The following ARL10 variants were observed in gnomAD, a reference collection of about 807,000 sequenced individuals.
ARL10 encodes the protein ARF like GTPase 10.
Under a neutral mutation model 26.1 loss-of-function variants are expected in ARL10, and 23 were observed. The ratio of observed to expected loss-of-function variants is 0.88; its 90% CI spans 0.63 to 1.25. The LOEUF (loss-of-function observed/expected upper bound fraction) is 1.25. ARL10 is among the 50% of genes most tolerant of loss of function. The probability of loss-of-function intolerance (pLI) is 0.00; values close to 1 mark genes in which losing one functional copy is unlikely to be tolerated. For missense variants in ARL10, 300 were observed against 323.6 expected, an observed-to-expected ratio of 0.93 and a Z score of 0.56; for synonymous variants, 138 against 149.1, an observed-to-expected ratio of 0.93 and a Z score of 0.54.
chr5:176,382,958 G>A (rs1265502076), downstream of ARL10, among the ~76,000 whole-genome samples: 3 of 152,224 alleles, frequency 2.0e-5, no homozygotes, highest in Admixed American at 1.3e-4. Context: ...GCACTGCTGT[G>A]TGCTTCCGAG....
Position 176,377,221 on chromosome 5 carries a change from G to T in ARL10, c.*5326G>T, listed in dbSNP as rs1406989935. 6.6e-6 allele frequency: 1 copy of T among 152,158 alleles called. No homozygotes were observed. The highest frequency in any genetic ancestry group is 1.5e-5 in the Non-Finnish European group (1 of 68,020). 9.4% of individuals were successfully genotyped at this position (152,158 alleles called of 1,614,324 possible). On this transcript the variant is annotated 3_prime_UTR_variant, in exon 4 of 4. Transcript: ENST00000310389. The surrounding 1 kb of genome is among the most constrained non-coding windows in gnomAD (Gnocchi z 4.5). ...ATTCAAAGCCAATGGTGGTATCTTT[G>T]GCCAAGATAATCCAATCGATTCAGT...
chr5:176,409,978 G>A, the ARL10 span, among the ~76,000 whole-genome samples: 4 of 152,140 alleles, frequency 2.6e-5, no homozygotes, highest in Admixed American at 2.6e-4. Flanking sequence ...ATCTCATGCT[G>A]CTGTGGGCCA....
intron 1 of ARL10, among the ~76,000 whole-genome samples, chr5:176,400,300 G>A (rs1022318258): frequency 6.6e-6 from 1 of 152,208 alleles, no homozygotes; most frequent in Non-Finnish European, 1.5e-5. Context: ...GAGATATTTA[G>A]AAGAGTGCTT....
rs961657724 is a variant in ARL10 at position 176,372,939 on chromosome 5, G to T, written c.*1044G>T. On this transcript the variant is annotated 3_prime_UTR_variant, in exon 4 of 4. Coordinates refer to ENST00000310389, the MANE Select transcript of ARL10 (RefSeq NM_173664.6). ...ATGAATGACAATGAGATAACATACAGATGTCAGTGGAGACAAAGTTGTGGG... is the reference window on the plus strand; with the variant it reads ...ATGAATGACAATGAGATAACATACATATGTCAGTGGAGACAAAGTTGTGGG... 1.0e-5 allele frequency: 4 copies of T among 398,532 alleles called. No individual in the cohort carries two copies. The highest frequency in any genetic ancestry group is 2.1e-5 in the African/African-American group (1 of 48,634). The allele number at this position is 398,532 out of a possible 1,614,324, so 24.7% of individuals were successfully genotyped here. A position where few individuals can be genotyped will look rare whatever the true frequency, so the allele number is the denominator to read the frequency against.
At chr5:176,401,838 G>A (rs924219509) in exon 2 of ARL10, 12 of 451,172 alleles carry the variant, frequency 2.7e-5, no homozygotes, top group East Asian at 7.0e-5. Flanking sequence ...CCCATCCCCC[G>A]TGCAAGTCAT....
intron 3 of ARL10, among the ~76,000 whole-genome samples, chr5:176,370,864 A>C (rs1255147271): frequency 1.3e-5 from 2 of 152,158 alleles, no homozygotes; most frequent in Non-Finnish European, 2.9e-5. Context: ...CTTGTCTGGA[A>C]GTGATCCTAC....
chr5:176,388,200 A>C, intron 1 of ARL10: 6 of 1,477,044 alleles, frequency 4.1e-6, no homozygotes, highest in Non-Finnish European at 5.7e-6. Context: ...GGAAGAGTAA[A>C]GAAGACAAGG....
downstream of ARL10, chr5:176,385,049 C>T: frequency 1.6e-6 from 1 of 624,878 alleles, no homozygotes; most frequent in Non-Finnish European, 2.9e-6. Flanking sequence ...TCTATCCTTG[C>T]CATAAGCATT....
Position 176,388,348 on chromosome 5 carries a change from C to T in ARL10, c.90C>T (p.Thr30=), listed in dbSNP as rs1756061987. 1 of 1,613,876 alleles carries T rather than the reference C, an allele frequency of 6.2e-7. No individual in the cohort carries two copies. Among genetic ancestry groups the T allele is most frequent in the Non-Finnish European group, 8.5e-7 (1 of 1,179,758 alleles). Reference sequence around the variant, plus strand: ...CAGGCATGTCGGATGTGGGAGCTACCGGCAAAGAGAGACATCGCGGATCCG... The same window carrying T: ...CAGGCATGTCGGATGTGGGAGCTACTGGCAAAGAGAGACATCGCGGATCCG... Residue 30 remains threonine (T), a synonymous_variant, in exon 2 of 2, where the codon ACC becomes ACT. Coordinates refer to the ARL10 transcript ENST00000503175.
At chr5:176,411,104 T>C in the ARL10 span, among the ~76,000 whole-genome samples, 8 of 152,368 alleles carry the variant, frequency 5.3e-5, no homozygotes, top group South Asian at 1.7e-3. Flanking sequence ...TCTTCTCCTG[T>C]GTCTTTCCCA....
intron 3 of ARL10, among the ~76,000 whole-genome samples, chr5:176,371,200 C>T (rs1306753390): frequency 2.0e-5 from 3 of 152,154 alleles, no homozygotes; most frequent in African/African-American, 7.2e-5. Context: ...CACGGCGAAA[C>T]CCCGTCTCTA....
At chr5:176,369,165 C>G (rs1472576685) in intron 3 of ARL10, 183 bp downstream of exon 3, 2 of 1,533,922 alleles carry the variant, frequency 1.3e-6, no homozygotes. Context: ...GCCTCCCTAT[C>G]ATCTCGTACT....
At chr5:176,388,628 G>A in exon 2 of ARL10, 1 of 1,373,238 alleles carries the variant, frequency 7.3e-7, no homozygotes, top group Non-Finnish European at 1.0e-6. Flanking sequence ...GCGTGCACAA[G>A]GCTTTGCGGG....
At chr5:176,388,811 G>C (rs768193008), downstream of ARL10, 1 of 1,612,690 alleles carries the variant, frequency 6.2e-7, no homozygotes, top group African/African-American at 1.3e-5. Context: ...CTGCTGCTGT[G>C]GCCCGGACAT....
At position 176,379,339 on chromosome 5, in the gene ARL10, T is replaced by G. The variant is rs1354972860; in HGVS notation, c.*7444T>G. On this transcript the variant is annotated 3_prime_UTR_variant, in exon 4 of 4. Transcript: ENST00000310389. ...GCCCGCCACCACGCCCAGCTTATTTTTTGTATTTAGTAGAGATGGGGTTTC... is the reference window on the plus strand; with the variant it reads ...GCCCGCCACCACGCCCAGCTTATTTGTTGTATTTAGTAGAGATGGGGTTTC... 6.6e-6 allele frequency: 1 copy of G among 151,594 alleles called. No individual in the cohort carries two copies. Among genetic ancestry groups the G allele is most frequent in the African/African-American group, 2.4e-5 (1 of 41,274 alleles). 9.4% of individuals were successfully genotyped at this position (151,594 alleles called of 1,614,324 possible).
chr5:176,402,998 T>C (rs1030808045), downstream of ARL10, among the ~76,000 whole-genome samples: 3 of 151,494 alleles, frequency 2.0e-5, no homozygotes, highest in South Asian at 4.2e-4. Context: ...AACAGGAGTC[T>C]CTTTTCATCT....
chr5:176,399,447 A>G lies in ARL10; in HGVS notation c.134-2294A>G, dbSNP rs147843795. ...AACCTTGCCTGACTTTTGTTTTCTC[A>G]TTTGAAAAATGGGGCTGGGCATGGT... On this transcript the variant is annotated intron_variant, in intron 1 of 1. Coordinates refer to the ARL10 transcript ENST00000514533. Among the ~76,000 whole-genome samples, 475 of 152,212 alleles carry G rather than the reference A, an allele frequency of 3.1e-3. 5 individuals are homozygous for G. Among genetic ancestry groups the G allele is most frequent in the African/African-American group, 0.011 (448 of 41,542 alleles).
At chr5:176,369,958 CA>C (rs34183741) in intron 3 of ARL10, among the ~76,000 whole-genome samples, 166 of 136,124 alleles carry the variant, frequency 1.2e-3, no homozygotes, top group South Asian at 2.0e-3. Context: ...GACCCTATCT[CA>C]AAAAAAAAAA....
the ARL10 span, among the ~76,000 whole-genome samples, chr5:176,409,328 T>C: frequency 1.3e-5 from 2 of 149,470 alleles, no homozygotes; most frequent in East Asian, 2.0e-4. Context: ...ATACTGTGTA[T>C]ATTATTCTGC....
Sources: allele counts gnomAD v4.1 joint callset (sites outside exome capture counted in the v4.1 genomes callset), GRCh38; gene constraint gnomAD v4.1.1; non-coding constraint Gnocchi (gnomAD v3.1); transcripts MANE v1.5; gene names NCBI Gene and HGNC (gene_info 2026-07-23, HGNC 2026-07-21).